Variants in UGT1A9 observed in about 807,000 individuals in gnomAD.
UGT1A9 encodes the protein UDP-glucuronosyltransferase 1A9.
Under a neutral mutation model 45.0 loss-of-function variants are expected in UGT1A9, and 35 were observed. That is an observed-to-expected ratio of 0.78 (90% CI 0.59 to 1.03). UGT1A9 has a LOEUF of 1.03. UGT1A9 is among the 50% of genes least tolerant of loss of function. The pLI, the probability that UGT1A9 is intolerant of heterozygous loss-of-function variation, is 0.00. For synonymous variants in UGT1A9, 278 were observed against 250.6 expected, an observed-to-expected ratio of 1.11 and a Z score of -1.03; for missense variants, 687 against 666.6, an observed-to-expected ratio of 1.03 and a Z score of -0.34.
chr2:233,703,753 TA>T (rs1452282622), intron 1 of UGT1A9, among the ~76,000 whole-genome samples: 1 of 152,214 alleles, frequency 6.6e-6, no homozygotes. Context: ...ATCTCAAATG[TA>T]TCTTCTGCAG....
intron 1 of UGT1A9, among the ~76,000 whole-genome samples, chr2:233,731,055 A>C (rs1216603492): frequency 1.3e-5 from 2 of 152,192 alleles, no homozygotes; most frequent in East Asian, 1.9e-4. Flanking sequence ...AATGTGTATG[A>C]ACTTCCATGA....
chr2:233,717,775 C>T, intron 1 of UGT1A9: 1 of 456,474 alleles, frequency 2.2e-6, no homozygotes, highest in Non-Finnish European at 4.4e-6. Context: ...ATTTAATTCT[C>T]CATTTTGAAA....
intron 1 of UGT1A9, chr2:233,693,560 C>G: frequency 6.2e-7 from 1 of 1,614,184 alleles, no homozygotes. Context: ...CAGCAGAAGC[C>G]CAGACCCTGT....
rs141853649 is a variant in UGT1A9 at position 233,739,471 on chromosome 2, G to A, written c.856-27563G>A. ...CACAGGGTTGGAGCTGCCTGAGACCGTGGGAGCCCATTTCTGGCATCACCT... is the reference window on the plus strand; with the variant it reads ...CACAGGGTTGGAGCTGCCTGAGACCATGGGAGCCCATTTCTGGCATCACCT... On this transcript the variant is annotated intron_variant, in intron 1 of 4. Transcript: ENST00000354728. Among the ~76,000 whole-genome samples the A allele has an allele frequency of 2.4e-3, 366 of 152,340 alleles. 1 individual carries two copies. Among genetic ancestry groups the A allele is most frequent in the African/African-American group, 7.9e-3 (330 of 41,576 alleles).
chr2:233,735,863 T>C (rs1339827457), intron 1 of UGT1A9, among the ~76,000 whole-genome samples: 2 of 151,778 alleles, frequency 1.3e-5, no homozygotes, highest in Non-Finnish European at 2.9e-5. Context: ...CTTGTAGGGT[T>C]TCTGCAGAGA....
chr2:233,675,295 C>T (rs1028669928), intron 1 of UGT1A9, among the ~76,000 whole-genome samples: 3 of 152,086 alleles, frequency 2.0e-5, no homozygotes, highest in Non-Finnish European at 4.4e-5. Context: ...TACATTCCAG[C>T]GTTCTAATGT....
chr2:233,734,945 G>A (rs141411255), intron 1 of UGT1A9, among the ~76,000 whole-genome samples: 9,860 of 152,158 alleles, frequency 0.065, 535 homozygotes, highest in African/African-American at 0.16. Context: ...CATATGGTCA[G>A]TTTTAGAATA....
At chr2:233,743,505 A>G (rs761358710) in intron 1 of UGT1A9, 1 of 1,367,266 alleles carries the variant, frequency 7.3e-7, no homozygotes, top group Non-Finnish European at 9.8e-7. Context: ...AAAGGGGTGC[A>G]GACGCTCTGC....
chr2:233,755,082 T>A (rs971081603), intron 1 of UGT1A9: 2 of 1,336,596 alleles, frequency 1.5e-6, no homozygotes, highest in South Asian at 2.3e-5. Flanking sequence ...GTCATAGATA[T>A]CGCGTTTCTA....
chr2:233,755,426 C>G, intron 1 of UGT1A9: 1 of 320,654 alleles, frequency 3.1e-6, no homozygotes, highest in South Asian at 2.7e-5. Flanking sequence ...GAGCGCCTCG[C>G]ATCCCAAGAT....
intron 1 of UGT1A9, among the ~76,000 whole-genome samples, chr2:233,678,490 C>A (rs1006573343): frequency 1.4e-4 from 22 of 151,864 alleles, no homozygotes; most frequent in African/African-American, 2.4e-4. Flanking sequence ...CTTGGTGTAA[C>A]CTTATGGAAA....
chr2:233,714,121 CTGTT>C (rs2076367442), intron 1 of UGT1A9, among the ~76,000 whole-genome samples: 1 of 152,078 alleles, frequency 6.6e-6, no homozygotes, highest in African/African-American at 2.4e-5. Flanking sequence ...CTCACGGAGA[CTGTT>C]CGTTTGTAAA....
chr2:233,767,286 C>G, intron 2 of UGT1A9, 121 bp downstream of exon 2: 1 of 1,568,700 alleles, frequency 6.4e-7, no homozygotes, highest in African/African-American at 1.4e-5. Context: ...CCTGCCACTT[C>G]CCAACTATTA....
chr2:233,715,985 CACA>C (rs577493897), intron 1 of UGT1A9, among the ~76,000 whole-genome samples: 32 of 152,180 alleles, frequency 2.1e-4, no homozygotes, highest in Non-Finnish European at 4.4e-4. Context: ...TGATTTAAAA[CACA>C]ACAAAACCCA....
At chr2:233,729,344 A>G in intron 1 of UGT1A9, 1 of 1,614,144 alleles carries the variant, frequency 6.2e-7, no homozygotes, top group Non-Finnish European at 8.5e-7. Flanking sequence ...AAAGAAGAGA[A>G]CTTTTTCACC....
chr2:233,771,184 C>G (rs1452671929), intron 4 of UGT1A9: 1 of 152,242 alleles, frequency 6.6e-6, no homozygotes, highest in Non-Finnish European at 1.5e-5. Flanking sequence ...TACAATTCAA[C>G]ATGAGATCTG....
At chr2:233,728,461 T>G (rs1047446637) in intron 1 of UGT1A9, among the ~76,000 whole-genome samples, 5 of 152,176 alleles carry the variant, frequency 3.3e-5, no homozygotes, top group African/African-American at 2.4e-5. Context: ...CAACAAAGTC[T>G]TCCCAAGAAT....
At chr2:233,732,341 T>G (rs1447704725) in intron 1 of UGT1A9, among the ~76,000 whole-genome samples, 1 of 152,268 alleles carries the variant, frequency 6.6e-6, no homozygotes, top group East Asian at 1.9e-4. Flanking sequence ...TTGCTTTTGG[T>G]GTTTTAGTCA....
intron 1 of UGT1A9, chr2:233,693,062 CT>C (rs752839721): frequency 1.2e-6 from 2 of 1,614,140 alleles, no homozygotes; most frequent in Admixed American, 3.3e-5. Flanking sequence ...CTTCTTAGCA[CT>C]TTGGGGCATG....
Sources: allele counts gnomAD v4.1 joint callset (sites outside exome capture counted in the v4.1 genomes callset), GRCh38; gene constraint gnomAD v4.1.1; transcripts MANE v1.5; gene names NCBI Gene and HGNC (gene_info 2026-07-23, HGNC 2026-07-21).